The following FBXL20 variants were observed in gnomAD, a reference collection of about 807,000 sequenced individuals.
FBXL20 encodes the protein F-box/LRR-repeat protein 20.
A neutral mutation model predicts 64.0 loss-of-function variants in FBXL20; 11 were observed. The ratio of observed to expected loss-of-function variants is 0.17; its 90% CI spans 0.11 to 0.28. The LOEUF (loss-of-function observed/expected upper bound fraction) is 0.28, where lower values mean the gene tolerates loss of function less well. FBXL20 is among the 10% of genes least tolerant of loss of function. The pLI, the probability that FBXL20 is intolerant of heterozygous loss-of-function variation, is 1.00. For synonymous variants in FBXL20, 184 were observed against 189.0 expected (o/e 0.97, Z 0.22); for missense variants, 303 against 526.2 (o/e 0.58, Z 4.15).
intron 7 of FBXL20, among the ~76,000 whole-genome samples, chr17:39,283,864 T>C (rs922902892): frequency 6.6e-6 from 1 of 152,166 alleles, no homozygotes; most frequent in East Asian, 1.9e-4. Flanking sequence ...AAACACTCCA[T>C]AAATTGTTTG....
chr17:39,367,714 C>G (rs1427507907), intron 1 of FBXL20, among the ~76,000 whole-genome samples: 4 of 151,852 alleles, frequency 2.6e-5, no homozygotes, highest in African/African-American at 9.7e-5. Flanking sequence ...AGAGGATTAT[C>G]ATATTTTAAA....
At chr17:39,343,535 T>C (rs1253403897) in intron 1 of FBXL20, among the ~76,000 whole-genome samples, 1 of 152,134 alleles carries the variant, frequency 6.6e-6, no homozygotes, top group African/African-American at 2.4e-5. Context: ...ATCCCTATTA[T>C]CTTCACTTTA....
chr17:39,284,698 T>A (rs2046974210), intron 7 of FBXL20, among the ~76,000 whole-genome samples: 1 of 152,056 alleles, frequency 6.6e-6, no homozygotes. Context: ...GGACCCTTTT[T>A]AAAGCACTTT....
intron 2 of FBXL20, among the ~76,000 whole-genome samples, chr17:39,333,161 G>A (rs913093802): frequency 7.3e-5 from 11 of 150,896 alleles, no homozygotes; most frequent in African/African-American, 2.7e-4. Context: ...CTCCCTCTCC[G>A]TCTCCCTCTT....
chr17:39,343,336 G>A, intron 1 of FBXL20, 95 bp from the exon 2 acceptor site: 1 of 856,716 alleles, frequency 1.2e-6, no homozygotes, highest in East Asian at 2.9e-5. Context: ...CAGGAAAGAG[G>A]TAAAAAAATA....
Position 39,285,549 on chromosome 17 carries a change from G to T in FBXL20, c.423C>A (p.Phe141Leu). 1 of 1,604,738 alleles carries T rather than the reference G, an allele frequency of 6.2e-7. No homozygotes were observed. Among genetic ancestry groups the T allele is most frequent in the South Asian group, 1.1e-5 (1 of 88,728 alleles). ...TDATCTSLSK[F>L]CSKLRHLDLA... ...AGTCAAGGTGCCTGAGTTTGGAACA[G>T]AACTTGCTAAGGCTAGTACATGTAC... Residue 141 changes from phenylalanine to leucine, a missense_variant, in exon 7 of 15, where the codon TTC becomes TTA. By Grantham distance (22) the Phe-to-Leu change is conservative. Around this residue, in one of 3 missense-constraint regions of FBXL20, gnomAD observed 246 missense variants for 422.6 expected, o/e 0.58. Transcript: ENST00000264658.
intron 1 of FBXL20, among the ~76,000 whole-genome samples, chr17:39,386,206 C>T (rs1316504467): frequency 6.6e-6 from 1 of 151,850 alleles, no homozygotes; most frequent in Non-Finnish European, 1.5e-5. Flanking sequence ...ACTCCAGAGG[C>T]TGAGGCAGGA....
At chr17:39,363,827 C>CAAAAAAAAAAAAAAAAAAAA (rs1555612706) in intron 1 of FBXL20, among the ~76,000 whole-genome samples, 30 of 77,990 alleles carry the variant, frequency 3.8e-4, no homozygotes, top group African/African-American at 6.5e-4. Context: ...AAAAAAAAAA[C>CAAAAAAAAAAAAAAAAAAAA]AAAAAACAAA....
intron 1 of FBXL20, among the ~76,000 whole-genome samples, chr17:39,383,610 G>A (rs2048047674): frequency 7.5e-6 from 1 of 134,008 alleles, no homozygotes; most frequent in African/African-American, 2.9e-5. Flanking sequence ...TTTTTTTTGA[G>A]ATGGAGTCTC....
upstream of FBXL20, chr17:39,401,991 C>T: frequency 2.0e-6 from 1 of 509,080 alleles, no homozygotes; most frequent in Non-Finnish European, 3.0e-6. Context: ...GCACTCTGCG[C>T]GGGGGCCCCT....
At chr17:39,398,040 C>CGGGGGGGGG (rs56842905) in intron 1 of FBXL20, among the ~76,000 whole-genome samples, 7 of 56,706 alleles carry the variant, frequency 1.2e-4, no homozygotes, top group Admixed American at 3.3e-4. Context: ...GGCCGGCGGG[C>CGGGGGGGGG]GGGGGGGGGG....
rs113881687 is a variant in FBXL20 at position 39,299,471 on chromosome 17, C to G, written c.235-387G>C. Among the ~76,000 whole-genome samples the G allele has an allele frequency of 7.9e-3, 1,205 of 152,226 alleles. 15 individuals carry two copies. Among genetic ancestry groups the G allele is most frequent in the African/African-American group, 0.028 (1,159 of 41,564 alleles). On this transcript the variant is annotated intron_variant, in intron 4 of 14. Transcript: ENST00000264658. ...TAGTACTCTGCTTATAGTAGAGACT[C>G]AATGAACATTTAACAAAAGCTGGTC... is the stretch of plus-strand genomic sequence containing the variant.
At chr17:39,290,373 T>A (rs2047027262) in intron 6 of FBXL20, among the ~76,000 whole-genome samples, 1 of 152,102 alleles carries the variant, frequency 6.6e-6, no homozygotes, top group African/African-American at 2.4e-5. Context: ...CCTTTTATAA[T>A]CCTTCCTCTA....
chr17:39,383,435 CAGAG>C (rs753428876), intron 1 of FBXL20, among the ~76,000 whole-genome samples: 1 of 151,828 alleles, frequency 6.6e-6, no homozygotes, highest in Non-Finnish European at 1.5e-5. Flanking sequence ...GCCTGGGTAA[CAGAG>C]AAAGATTCTG....
In FBXL20 at chr17:39,328,949, G is replaced by A. The variant is rs118088317; in HGVS notation, c.104+14231C>T. ...CATGCCTGTAATCCCAGCTACTCAG[G>A]AGACAGAGGTGGGAGGATTGCTTGA... is the stretch of plus-strand genomic sequence containing the variant. On this transcript the variant is annotated intron_variant, in intron 2 of 14. Coordinates refer to ENST00000264658, the MANE Select transcript of FBXL20 (RefSeq NM_032875.3). 4.7e-4 allele frequency among the ~76,000 whole-genome samples: 71 copies of A among 152,246 alleles called. 1 individual carries two copies. The East Asian group carries it at 0.012, about 25-fold the overall frequency.
chr17:39,267,307 GAAA>G (rs943768213), intron 12 of FBXL20, among the ~76,000 whole-genome samples: 8 of 151,280 alleles, frequency 5.3e-5, no homozygotes, highest in Admixed American at 5.3e-4. Context: ...GTAACAGCAA[GAAA>G]AAAAACAGTC....
chr17:39,368,218 A>C (rs2047880576), intron 1 of FBXL20, among the ~76,000 whole-genome samples: 1 of 151,990 alleles, frequency 6.6e-6, no homozygotes, highest in Admixed American at 6.6e-5. Flanking sequence ...GCGAGAACTT[A>C]TCTCTACAAA....
intron 6 of FBXL20, 56 bp from the exon 7 acceptor site, chr17:39,285,629 G>A: frequency 1.7e-6 from 2 of 1,145,470 alleles, no homozygotes; most frequent in Non-Finnish European, 1.3e-6. Flanking sequence ...ACACATCCTT[G>A]GTATATCAGA....
intron 1 of FBXL20, among the ~76,000 whole-genome samples, chr17:39,397,963 G>A (rs1019811932): frequency 6.8e-6 from 1 of 146,484 alleles, no homozygotes; most frequent in African/African-American, 2.5e-5. Context: ...GTGTAAAACA[G>A]AATCGTAAAA....
Sources: allele counts gnomAD v4.1 joint callset (sites outside exome capture counted in the v4.1 genomes callset), GRCh38; gene constraint gnomAD v4.1.1; regional missense constraint gnomAD v4.1.1; transcripts MANE v1.5; gene names NCBI Gene and HGNC (gene_info 2026-07-23, HGNC 2026-07-21).